Variants in PTPRD observed in about 807,000 individuals in gnomAD.
The protein encoded by PTPRD is receptor-type tyrosine-protein phosphatase delta.
Under a neutral mutation model 214.5 loss-of-function variants are expected in PTPRD, and 34 were observed. The observed-to-expected ratio is 0.16, with a 90% CI of 0.12 to 0.21. The LOEUF (loss-of-function observed/expected upper bound fraction) is 0.21, where lower values mean the gene tolerates loss of function less well. Among genes scored for constraint, PTPRD ranks in the 10% least tolerant of loss-of-function variants. The pLI is 1.00. For missense variants in PTPRD, 2,545 were observed against 2,398.7 expected, an observed-to-expected ratio of 1.06 and a Z score of -1.27; for synonymous variants, 1,128 against 845.7, an observed-to-expected ratio of 1.33 and a Z score of -5.79.
Position 9,271,687 on chromosome 9 carries a change from T to C in PTPRD, c.-202-88324A>G, listed in dbSNP as rs548459079. Among the ~76,000 whole-genome samples the C allele has an allele frequency of 3.3e-5, 5 of 151,496 alleles. No individual in the cohort carries two copies. In the East Asian group the frequency reaches 9.8e-4, roughly 30 times the overall value. ...AATGTATTGGTTAAATATGTTGGTA[T>C]TTTGCCTTGACCTTTTATAATCAAA... On this transcript the variant is annotated intron_variant, in intron 9 of 45. Transcript: ENST00000381196.
At chr9:10,262,861 C>A (rs1440913104) in intron 3 of PTPRD, among the ~76,000 whole-genome samples, 1 of 152,158 alleles carries the variant, frequency 6.6e-6, no homozygotes, top group Non-Finnish European at 1.5e-5. Context: ...CAAATCTCAT[C>A]TTGAATTGTA....
intron 3 of PTPRD, among the ~76,000 whole-genome samples, chr9:10,265,247 G>A (rs1027366443): frequency 3.3e-5 from 5 of 152,118 alleles, no homozygotes; most frequent in Non-Finnish European, 7.3e-5. Context: ...GCTTTTGGAA[G>A]TCCTACAACA....
chr9:9,347,039 C>G (rs1033525269), intron 9 of PTPRD, among the ~76,000 whole-genome samples: 1 of 151,992 alleles, frequency 6.6e-6, no homozygotes, highest in Non-Finnish European at 1.5e-5. Flanking sequence ...TGTTGGCGCA[C>G]GCTTGTAACC....
At chr9:10,127,429 C>A (rs1182612091) in intron 3 of PTPRD, among the ~76,000 whole-genome samples, 2 of 152,088 alleles carry the variant, frequency 1.3e-5, no homozygotes, top group Admixed American at 1.3e-4. Flanking sequence ...TTATATTCAA[C>A]ATCTTAGGTT....
At chr9:10,533,313 T>C (rs2056918745) in intron 2 of PTPRD, among the ~76,000 whole-genome samples, 1 of 152,086 alleles carries the variant, frequency 6.6e-6, no homozygotes, top group Admixed American at 6.6e-5. Context: ...GCAACACAAA[T>C]TGAACTAAGA....
Position 8,497,228 on chromosome 9 carries a change from C to A in PTPRD, c.2349+14G>T. 2 of 1,587,162 alleles carry A rather than the reference C, an allele frequency of 1.3e-6. No homozygotes were observed. The highest frequency in any genetic ancestry group is 2.3e-5 in the East Asian group (1 of 43,886). On this transcript the variant is annotated intron_variant, in intron 26 of 45. Transcript: ENST00000381196. ...TATAGTCTGCTTTTGACAAAACAGT[C>A]AAAAATTACTCACATGTTCAGTAGT...
rs533746786 is a variant in PTPRD, at chr9:10,179,343, T to A, written c.-544-145553A>T. ...ATCAAAAGTCTTTTTGAATAACTCT[T>A]AGAAGATATTGCCAACATAGAAAGC... On this transcript the variant is annotated intron_variant, in intron 3 of 45. Coordinates refer to ENST00000381196, the MANE Select transcript of PTPRD (RefSeq NM_002839.4). Among the ~76,000 whole-genome samples the A allele has an allele frequency of 3.6e-4, 55 of 152,138 alleles. 1 individual carries two copies. In the East Asian group the frequency reaches 0.01, roughly 28 times the overall value.
chr9:9,022,161 T>A (rs1385192446), intron 10 of PTPRD, among the ~76,000 whole-genome samples: 1 of 143,226 alleles, frequency 7.0e-6, no homozygotes, highest in Non-Finnish European at 1.6e-5. Context: ...ATAAAAGATG[T>A]AAAAAAAAAT....
chr9:10,495,541 C>G (rs988063914), intron 2 of PTPRD, among the ~76,000 whole-genome samples: 4 of 151,782 alleles, frequency 2.6e-5, no homozygotes, highest in Non-Finnish European at 4.4e-5. Flanking sequence ...ACTCTAACAG[C>G]TTTTACTATG....
intron 9 of PTPRD, among the ~76,000 whole-genome samples, chr9:9,395,397 T>A (rs747023032): frequency 1.3e-5 from 2 of 152,138 alleles, no homozygotes; most frequent in Non-Finnish European, 2.9e-5. Flanking sequence ...CTTGAGAGAC[T>A]CTGAGTTAAT....
rs139693564 is a variant in PTPRD at position 10,572,043 on chromosome 9, T to C, written c.-600+40355A>G. The stretch of plus-strand genomic sequence containing the variant: ...GTGCATGCTTCCTAATACATTACTC[T>C]ATGTATTAGACATACAGACATAGAA... On this transcript the variant is annotated intron_variant, in intron 2 of 45. Coordinates refer to ENST00000381196, the MANE Select transcript of PTPRD (RefSeq NM_002839.4). Among the ~76,000 whole-genome samples the C allele has an allele frequency of 3.6e-4, 55 of 152,234 alleles. No individual in the cohort carries two copies. In the East Asian group the frequency reaches 9.3e-3, roughly 26 times the overall value.
chr9:8,874,043 C>T (rs1454631450), intron 11 of PTPRD, among the ~76,000 whole-genome samples: 2 of 152,172 alleles, frequency 1.3e-5, no homozygotes, highest in African/African-American at 2.4e-5. Flanking sequence ...TAATACATAA[C>T]TTTTGAACTT....
intron 11 of PTPRD, among the ~76,000 whole-genome samples, chr9:8,836,994 C>G (rs1478388269): frequency 6.7e-6 from 1 of 148,504 alleles, no homozygotes; most frequent in Non-Finnish European, 1.5e-5. Context: ...GGGGAAGAGT[C>G]TAGATTACAG....
At chr9:8,891,151 T>TTTTTTTTTTTTTTTTTTTTTTTTTC (rs1345759298) in intron 11 of PTPRD, among the ~76,000 whole-genome samples, 1 of 149,636 alleles carries the variant, frequency 6.7e-6, no homozygotes, top group African/African-American at 2.5e-5. Flanking sequence ...TTTTTTTTTT[T>TTTTTTTTTTTTTTTTTTTTTTTTTC]GAGACTGAGT....
chr9:8,412,453 T>A (rs2093607116), intron 35 of PTPRD, among the ~76,000 whole-genome samples: 1 of 152,202 alleles, frequency 6.6e-6, no homozygotes, highest in Admixed American at 6.6e-5. Context: ...TTCTTTTCCA[T>A]GGATAACAAG....
intron 2 of PTPRD, among the ~76,000 whole-genome samples, chr9:10,568,687 A>C (rs1460019806): frequency 6.6e-6 from 1 of 152,192 alleles, no homozygotes; most frequent in Non-Finnish European, 1.5e-5. Flanking sequence ...TTCCCTATTT[A>C]ATAAATGGTG....
intron 8 of PTPRD, among the ~76,000 whole-genome samples, chr9:9,473,148 T>G (rs1329423293): frequency 6.6e-6 from 1 of 152,134 alleles, no homozygotes; most frequent in Non-Finnish European, 1.5e-5. Context: ...CCTTCTAATA[T>G]CCACAATTCT....
At chr9:8,922,089 G>A (rs10977361) in intron 11 of PTPRD, among the ~76,000 whole-genome samples, 8,809 of 152,224 alleles carry the variant, frequency 0.058, 373 homozygotes, top group Non-Finnish European at 0.086. Context: ...CAGAGAATTC[G>A]TGTGTAGTTT....
At chr9:9,943,181 T>G (rs2091927509) in intron 4 of PTPRD, among the ~76,000 whole-genome samples, 1 of 152,132 alleles carries the variant, frequency 6.6e-6, no homozygotes, top group African/African-American at 2.4e-5. Flanking sequence ...AGAACCAGAT[T>G]AGTACCTGGA....
Sources: allele counts gnomAD v4.1 joint callset (sites outside exome capture counted in the v4.1 genomes callset), GRCh38; gene constraint gnomAD v4.1.1; transcripts MANE v1.5; gene names NCBI Gene and HGNC (gene_info 2026-07-23, HGNC 2026-07-21).